CPSF6: variants seen among roughly 807,000 people sequenced by gnomAD.
The protein encoded by CPSF6 is cleavage and polyadenylation specific factor 6, also known as cleavage and polyadenylation specificity factor subunit 6.
A neutral mutation model predicts 56.7 loss-of-function variants in CPSF6; 10 were observed. The observed-to-expected ratio is 0.18, with a 90% CI of 0.11 to 0.30. The LOEUF is 0.30. CPSF6 is among the 10% of genes least tolerant of loss of function. The pLI, the probability that CPSF6 is intolerant of heterozygous loss-of-function variation, is 1.00. For missense variants in CPSF6, 419 were observed against 722.9 expected, an observed-to-expected ratio of 0.58 and a Z score of 4.82; for synonymous variants, 248 against 244.8, an observed-to-expected ratio of 1.01 and a Z score of -0.12.
At chr12:69,246,596 A>T (rs1224894989) in intron 1 of CPSF6, among the ~76,000 whole-genome samples, 1 of 152,164 alleles carries the variant, frequency 6.6e-6, no homozygotes, top group Non-Finnish European at 1.5e-5. Flanking sequence ...ATTAGATAAA[A>T]CCAGAAAATG....
At chr12:69,251,093 T>C in intron 1 of CPSF6, 36 bp from the exon 2 acceptor site, 1 of 1,569,236 alleles carries the variant, frequency 6.4e-7, no homozygotes, top group Admixed American at 1.9e-5. Context: ...GTATTTTGAC[T>C]TTTGTATAAT....
At position 69,272,995 on chromosome 12, in the gene CPSF6, A is replaced by G; in HGVS notation, c.*3487A>G. ...AGCCTTAGACTGATTTTTTCAATAA[A>G]TATTCAACCAAAAATTATAAATTTA... On this transcript the variant is annotated 3_prime_UTR_variant, in exon 10 of 10. Transcript: ENST00000435070. 3.9e-6 allele frequency: 1 copy of G among 253,668 alleles called. No homozygotes were observed. The highest frequency in any genetic ancestry group is 4.1e-5 in the South Asian group (1 of 24,158). 15.7% of individuals were successfully genotyped at this position (253,668 alleles called of 1,614,324 possible).
chr12:69,259,986 T>A (rs1298888819), intron 7 of CPSF6, 58 bp from the exon 8 acceptor site: 22 of 1,588,654 alleles, frequency 1.4e-5, no homozygotes, highest in Non-Finnish European at 1.9e-5. Flanking sequence ...CCAAGTGGTT[T>A]GATGGTGTTT....
Position 69,259,599 on chromosome 12 carries a change from A to AG in CPSF6, c.1315+56_1315+57insG, listed in dbSNP as rs1408743091. ...ATTTATGTTATTAGGAATGACCTAA[A>AG]AATGTAAGTACAATCTAGAAGATAG... On this transcript the variant is annotated intron_variant, in intron 7 of 9. Transcript: ENST00000435070. 3 of 1,428,654 alleles carry AG rather than the reference A, an allele frequency of 2.1e-6. No individual in the cohort carries two copies. In the African/African-American group the frequency reaches 4.3e-5, roughly 21 times the overall value. The allele number at this position is 1,428,654 out of a possible 1,614,324, so 88.5% of individuals were successfully genotyped here. A position where few individuals can be genotyped will look rare whatever the true frequency, so the allele number is the denominator to read the frequency against.
chr12:69,242,563 T>G (rs992194654), intron 1 of CPSF6, among the ~76,000 whole-genome samples: 4 of 152,198 alleles, frequency 2.6e-5, no homozygotes, highest in African/African-American at 9.6e-5. Flanking sequence ...CACAAGGGAC[T>G]GGCTACTCCT....
chr12:69,246,661 A>T (rs1871925261), intron 1 of CPSF6, among the ~76,000 whole-genome samples: 3 of 152,298 alleles, frequency 2.0e-5, no homozygotes, highest in Admixed American at 1.3e-4. Flanking sequence ...GATTTTGCAT[A>T]CTAGTATTTC....
At chr12:69,239,745 GCGCTGCGGCCGGGAAGCTGACCCGGGGCC>G in intron 1 of CPSF6, 39 bp downstream of exon 1, 1 of 1,551,188 alleles carries the variant, frequency 6.4e-7, no homozygotes, top group Admixed American at 1.9e-5. Context: ...GACGCGGGCG[GCGCTGCGGCCGGGAAGCTGACCCGGGGCC>G]CGCTGCGGCC....
chr12:69,240,273 C>CG (rs1268876440), intron 1 of CPSF6, among the ~76,000 whole-genome samples: 1 of 152,228 alleles, frequency 6.6e-6, no homozygotes, highest in African/African-American at 2.4e-5. Flanking sequence ...GCCCAGTCCC[C>CG]GGGGCTCTCC....
rs1012954926 is a variant in CPSF6 at position 69,260,087 on chromosome 12, T to C, written c.1359T>C (p.Ser453=). Residue 453 remains serine (S), a synonymous_variant, in exon 8 of 10, where the codon TCT becomes TCC. Transcript: ENST00000435070. ...SAIETLVTAI[S]LIKQSKVSAD... ...TTGAGACACTGGTAACTGCAATTTC[T>C]TTAATTAAACAATCCAAAGTATCTG... The C allele has an allele frequency of 6.2e-7, 1 of 1,613,396 alleles. No homozygotes were observed. The highest frequency in any genetic ancestry group is 1.3e-5 in the African/African-American group (1 of 74,910).
chr12:69,257,033 A>G (rs940303966), intron 4 of CPSF6, among the ~76,000 whole-genome samples, 191 bp downstream of exon 4: 7 of 152,228 alleles, frequency 4.6e-5, no homozygotes, highest in South Asian at 4.1e-4. Flanking sequence ...CTCCTGTTCC[A>G]TTTTTCTCCA....
chr12:69,262,571 T>C lies in CPSF6; in HGVS notation c.*3+9T>C, dbSNP rs1266637917. ...ATCGTCATCGTTAGAAGGTGGGTAT[T>C]CCTTGTTCCCTGTTAAATGTGTGTG... On this transcript the variant is annotated intron_variant, in intron 9 of 9. Transcript: ENST00000435070. 3.1e-6 allele frequency: 5 copies of C among 1,603,812 alleles called. No individual in the cohort carries two copies. The highest frequency in any genetic ancestry group is 4.3e-6 in the Non-Finnish European group (5 of 1,174,376).
rs1458437834 is a variant in CPSF6, at chr12:69,274,253, G to A, written c.*4745G>A. ...TGTCTTTCCTTTCTTTAGCATTTAG[G>A]TGACTGTTCGGCAGTTTGATATATG... On this transcript the variant is annotated 3_prime_UTR_variant, in exon 10 of 10. Transcript: ENST00000435070. 6.6e-6 allele frequency: 1 copy of A among 151,696 alleles called. No individual in the cohort carries two copies. Among genetic ancestry groups the A allele is most frequent in the South Asian group, 2.1e-4 (1 of 4,818 alleles). 9.4% of individuals were successfully genotyped at this position (151,696 alleles called of 1,614,324 possible).
rs543923766 is a variant in CPSF6, at chr12:69,269,782, T to C, written c.*274T>C. Reference sequence around the variant, plus strand: ...CAACTTTATTACTGGTTATATACATTTGGCCATTATGATGTGCAAGCAATT... The same window carrying C: ...CAACTTTATTACTGGTTATATACATCTGGCCATTATGATGTGCAAGCAATT... On this transcript the variant is annotated 3_prime_UTR_variant, in exon 10 of 10. Transcript: ENST00000435070. 9.4e-4 allele frequency: 174 copies of C among 185,896 alleles called. 2 individuals are homozygous for C. Among genetic ancestry groups the C allele is most frequent in the African/African-American group, 3.9e-3 (162 of 41,944 alleles). 11.5% of individuals were successfully genotyped at this position (185,896 alleles called of 1,614,324 possible). A position where few individuals can be genotyped will look rare whatever the true frequency, so the allele number is the denominator to read the frequency against.
chr12:69,244,831 G>A (rs1019980419), intron 1 of CPSF6, among the ~76,000 whole-genome samples: 3 of 152,068 alleles, frequency 2.0e-5, no homozygotes, highest in African/African-American at 4.8e-5. Flanking sequence ...GGGGCAGTAT[G>A]ATGCATGGGC....
intron 9 of CPSF6, among the ~76,000 whole-genome samples, chr12:69,268,108 G>A (rs1873079680): frequency 6.6e-6 from 1 of 151,738 alleles, no homozygotes. Context: ...TAGAACATAT[G>A]CCTTGTCTCT....
intron 1 of CPSF6, among the ~76,000 whole-genome samples, chr12:69,240,922 C>T (rs1406992283): frequency 2.0e-5 from 3 of 152,158 alleles, no homozygotes; most frequent in Non-Finnish European, 4.4e-5. Context: ...TGCTTAACTG[C>T]AATGTTCCTA....
intron 1 of CPSF6, among the ~76,000 whole-genome samples, chr12:69,240,160 C>T (rs1871534078): frequency 6.6e-6 from 1 of 152,048 alleles, no homozygotes; most frequent in Non-Finnish European, 1.5e-5. Context: ...TTCCCCGCCG[C>T]TGCCGCTCGG....
chr12:69,259,638 A>G (rs1872661566), intron 7 of CPSF6, 95 bp downstream of exon 7: 3 of 1,031,654 alleles, frequency 2.9e-6, no homozygotes, highest in East Asian at 5.3e-5. Context: ...ATTTACATGT[A>G]GTAGTTCTTT....
Position 69,262,566 on chromosome 12 carries a change from G to A in CPSF6, c.*3+4G>A. 1 of 1,605,316 alleles carries A rather than the reference G, an allele frequency of 6.2e-7. No individual in the cohort carries two copies. Among genetic ancestry groups the A allele is most frequent in the Non-Finnish European group, 8.5e-7 (1 of 1,175,162 alleles). On this transcript the variant is annotated splice_donor_region_variant and intron_variant, in intron 9 of 9. Coordinates refer to ENST00000435070, the MANE Select transcript of CPSF6 (RefSeq NM_007007.3). ...CGAATATCGTCATCGTTAGAAGGTG[G>A]GTATTCCTTGTTCCCTGTTAAATGT...
Sources: gnomAD v4.1 joint callset for allele counts (sites outside exome capture counted in the v4.1 genomes callset) on GRCh38, gnomAD v4.1.1 for gene constraint, MANE v1.5 for transcripts, NCBI Gene and HGNC (gene_info 2026-07-23, HGNC 2026-07-21) for gene names.